KDM2B: variants seen among roughly 807,000 people sequenced by gnomAD.
KDM2B encodes lysine-specific demethylase 2B.
KDM2B carries 26 observed loss-of-function variants against 150.0 expected under a neutral mutation model. The observed-to-expected ratio is 0.17, with a 90% CI of 0.13 to 0.24. The LOEUF (loss-of-function observed/expected upper bound fraction) is 0.24, where lower values mean the gene tolerates loss of function less well. KDM2B is among the 10% of genes least tolerant of loss of function. The pLI is 1.00. For synonymous variants in KDM2B, 734 were observed against 729.5 expected (o/e 1.01, Z -0.10); for missense variants, 1,265 against 1,816.9 (o/e 0.70, Z 5.52).
chr12:121,515,846 G>A (rs1243563153), intron 9 of KDM2B, among the ~76,000 whole-genome samples: 1 of 152,102 alleles, frequency 6.6e-6, no homozygotes, highest in Non-Finnish European at 1.5e-5. Context: ...GCCACCACAT[G>A]CTCTTCAGCC....
At position 121,475,182 on chromosome 12, in the gene KDM2B, CTGTGTGTGTGTGTGTGTG is replaced by C. The variant is rs60083867; in HGVS notation, c.1734+19379_1734+19396del. Among the ~76,000 whole-genome samples the C allele has an allele frequency of 6.8e-4, 95 of 139,768 alleles. No homozygotes were observed. In the South Asian group the frequency reaches 0.011, roughly 16 times the overall value. The allele number at this position is 139,768 out of a possible 152,430, so 91.7% of individuals were successfully genotyped here. A position where few individuals can be genotyped will look rare whatever the true frequency, so the allele number is the denominator to read the frequency against. On this transcript the variant is annotated intron_variant, in intron 12 of 22. Coordinates refer to ENST00000377071, the MANE Select transcript of KDM2B (RefSeq NM_032590.5). ...CCCTGTCATTAAACTACACATGACT[CTGTGTGTGTGTGTGTGTG>C]TGTGTGTGTGTGTGTGTGTGTGTGT...
chr12:121,444,396 G>A (rs1271450272), intron 15 of KDM2B, 54 bp downstream of exon 15: 9 of 1,606,406 alleles, frequency 5.6e-6, no homozygotes, highest in Non-Finnish European at 7.7e-6. Context: ...TCCCGGCCAG[G>A]CCCAGGCCCG....
chr12:121,559,874 G>C (rs1313014944), intron 4 of KDM2B, among the ~76,000 whole-genome samples: 1 of 148,290 alleles, frequency 6.7e-6, no homozygotes, highest in East Asian at 2.0e-4. Flanking sequence ...CTGCACTCTA[G>C]CCTGAGCAAC....
At chr12:121,454,699 G>A (rs371689216) in intron 12 of KDM2B, among the ~76,000 whole-genome samples, 11 of 152,160 alleles carry the variant, frequency 7.2e-5, no homozygotes, top group South Asian at 2.1e-4. Context: ...CTGACCTAAC[G>A]GCATCTAACG....
At chr12:121,534,379 T>TA (rs1426699638) in intron 7 of KDM2B, 118 bp downstream of exon 7, 1 of 713,436 alleles carries the variant, frequency 1.4e-6, no homozygotes, top group East Asian at 2.5e-5. Context: ...ATCCTTAAAG[T>TA]ACTCCTGGGG....
intron 12 of KDM2B, among the ~76,000 whole-genome samples, chr12:121,477,579 C>CTT (rs35681515): frequency 0.049 from 6,665 of 134,684 alleles, 509 homozygotes; most frequent in African/African-American, 0.16. Context: ...TTTGTCTTTC[C>CTT]TTTTTTTTTT....
At chr12:121,499,286 CTT>C (rs1185251331) in intron 11 of KDM2B, among the ~76,000 whole-genome samples, 22 of 137,218 alleles carry the variant, frequency 1.6e-4, no homozygotes, top group Admixed American at 2.2e-4. Context: ...ATTTTTGTAT[CTT>C]TTTTTTTTTT....
chr12:121,458,024 T>G (rs1555293161), intron 12 of KDM2B, among the ~76,000 whole-genome samples: 1 of 152,162 alleles, frequency 6.6e-6, no homozygotes, highest in Non-Finnish European at 1.5e-5. Flanking sequence ...ATTGGAAGAT[T>G]TAATATTGTT....
chr12:121,552,105 C>T (rs1467158830), intron 4 of KDM2B, among the ~76,000 whole-genome samples: 1 of 152,164 alleles, frequency 6.6e-6, no homozygotes, highest in Non-Finnish European at 1.5e-5. Context: ...CAATTACAAC[C>T]ATTACCATTT....
chr12:121,482,749 C>G (rs782620765), intron 12 of KDM2B, among the ~76,000 whole-genome samples: 9 of 152,188 alleles, frequency 5.9e-5, no homozygotes, highest in Non-Finnish European at 1.3e-4. Context: ...TAATTGAATA[C>G]GGCCTCATCT....
chr12:121,434,955 T>C (rs1873729093), intron 22 of KDM2B, among the ~76,000 whole-genome samples: 1 of 151,424 alleles, frequency 6.6e-6, no homozygotes, highest in South Asian at 2.1e-4. Flanking sequence ...AGACTTTGTG[T>C]TGAAAAAAGA....
chr12:121,435,037 G>GA (rs113742352), intron 22 of KDM2B, among the ~76,000 whole-genome samples: 26,427 of 139,244 alleles, frequency 0.19, 3,441 homozygotes, highest in African/African-American at 0.37. Context: ...CCAACAAAGG[G>GA]AAAAAAAAAA....
At chr12:121,497,001 C>G (rs1555301151) in intron 11 of KDM2B, among the ~76,000 whole-genome samples, 1 of 151,696 alleles carries the variant, frequency 6.6e-6, no homozygotes, top group East Asian at 1.9e-4. Context: ...TCATAATTTG[C>G]TTGCATGATT....
chr12:121,568,550 T>G (rs745640622), intron 4 of KDM2B, among the ~76,000 whole-genome samples: 21 of 151,998 alleles, frequency 1.4e-4, no homozygotes, highest in Non-Finnish European at 2.6e-4. Flanking sequence ...ATGGACGAAT[T>G]GTATATACAC....
chr12:121,505,816 C>T (rs1373115056), intron 11 of KDM2B, among the ~76,000 whole-genome samples: 1 of 152,128 alleles, frequency 6.6e-6, no homozygotes, highest in Non-Finnish European at 1.5e-5. Flanking sequence ...GGGAACTGGG[C>T]ATCGGCTATG....
At chr12:121,420,213 A>T in the KDM2B span, 1 of 1,604,228 alleles carries the variant, frequency 6.2e-7, no homozygotes, top group Non-Finnish European at 8.5e-7. Context: ...TTGATTCCTG[A>T]CCTAATCAGA....
chr12:121,450,631 G>A lies in KDM2B; in HGVS notation c.1959+2489C>T, dbSNP rs142512879. Among the ~76,000 whole-genome samples, 1,487 of 152,238 alleles carry A rather than the reference G, an allele frequency of 9.8e-3. 23 individuals are homozygous for A. Among genetic ancestry groups the A allele is most frequent in the African/African-American group, 0.034 (1,404 of 41,536 alleles). Reference sequence around the variant, plus strand: ...TCCCAGCACTTTGGGAGGCCGAGGCGGGTGGATCACGAGGTCAGGAGATCC... The same window carrying A: ...TCCCAGCACTTTGGGAGGCCGAGGCAGGTGGATCACGAGGTCAGGAGATCC... On this transcript the variant is annotated intron_variant, in intron 13 of 22. Coordinates refer to ENST00000377071, the MANE Select transcript of KDM2B (RefSeq NM_032590.5).
At chr12:121,548,605 C>T (rs1439807275) in intron 6 of KDM2B, among the ~76,000 whole-genome samples, 3 of 152,216 alleles carry the variant, frequency 2.0e-5, no homozygotes, top group Non-Finnish European at 2.9e-5. Flanking sequence ...GATGCAGAGG[C>T]GTCTGCCATC....
At chr12:121,545,673 C>G (rs1442068933) in intron 6 of KDM2B, among the ~76,000 whole-genome samples, 3 of 152,320 alleles carry the variant, frequency 2.0e-5, no homozygotes, top group South Asian at 2.1e-4. Flanking sequence ...GTGGCCTCCT[C>G]ATGTTCACGT....
Sources: gnomAD v4.1 joint callset for allele counts (sites outside exome capture counted in the v4.1 genomes callset) on GRCh38, gnomAD v4.1.1 for gene constraint, MANE v1.5 for transcripts, NCBI Gene and HGNC (gene_info 2026-07-23, HGNC 2026-07-21) for gene names.